NUP205: variants seen among roughly 807,000 people sequenced by gnomAD.
The protein encoded by NUP205 is nucleoporin 205.
Under a neutral mutation model 253.8 loss-of-function variants are expected in NUP205, and 76 were observed. The observed-to-expected ratio is 0.30, with a 90% CI of 0.25 to 0.36. NUP205 has a LOEUF of 0.36. NUP205 is among the 10% of genes least tolerant of loss of function. The pLI is 1.00. For synonymous variants in NUP205, 832 were observed against 850.1 expected, an observed-to-expected ratio of 0.98 and a Z score of 0.37; for missense variants, 2,162 against 2,425.5, an observed-to-expected ratio of 0.89 and a Z score of 2.28.
At chr7:135,636,185 G>T (rs1302406691) in intron 36 of NUP205, among the ~76,000 whole-genome samples, 2 of 151,948 alleles carry the variant, frequency 1.3e-5, no homozygotes, top group Non-Finnish European at 2.9e-5. Context: ...AGTCTTTCTG[G>T]GAGCCTCTTG....
In NUP205 at chr7:135,619,519, C is replaced by G; in HGVS notation, c.4060C>G (p.Gln1354Glu). The change falls in exon 29 of 43, where the codon CAG becomes GAG. Residue 1354 changes from glutamine (Q) to glutamate (E), a missense_variant. Around this residue, in one of 5 missense-constraint regions of NUP205, gnomAD observed 1,144 missense variants for 1,280.9 expected, o/e 0.89. Coordinates refer to ENST00000285968, the MANE Select transcript of NUP205 (RefSeq NM_015135.3). ...AHLSQAVLTE[Q>E]KETSVLGPAE... ...CCTAAGCCAGGCCGTCCTCACTGAA[C>G]AGAAGGAAACATCAGTCTTGGGACC... 1 of 1,614,112 alleles carries G rather than the reference C, an allele frequency of 6.2e-7. No homozygotes were observed. Among genetic ancestry groups the G allele is most frequent in the South Asian group, 1.1e-5 (1 of 91,078 alleles).
intron 7 of NUP205, among the ~76,000 whole-genome samples, chr7:135,580,586 C>T (rs1350388624): frequency 1.3e-5 from 2 of 152,024 alleles, no homozygotes; most frequent in East Asian, 1.9e-4. Context: ...CCTCAGCCTC[C>T]GGAGTACCTG....
rs765939474 is a variant in NUP205 at position 135,585,009 on chromosome 7, TA to T, written c.1218+4del. ...TTCCTTGCACTTATGCCAATGAAGGTAAGTGTAATAATGTAGGATGAGTAAA... is the reference window on the plus strand; with the variant it reads ...TTCCTTGCACTTATGCCAATGAAGGTAGTGTAATAATGTAGGATGAGTAAA... On this transcript the variant is annotated splice_donor_region_variant and intron_variant, in intron 8 of 42. Coordinates refer to ENST00000285968, the MANE Select transcript of NUP205 (RefSeq NM_015135.3). 138 of 1,598,296 alleles carry T rather than the reference TA, an allele frequency of 8.6e-5. No individual in the cohort carries two copies. Among genetic ancestry groups the T allele is most frequent in the Non-Finnish European group, 1.1e-4 (129 of 1,167,462 alleles).
intron 3 of NUP205, among the ~76,000 whole-genome samples, chr7:135,574,596 A>G (rs1188108971): frequency 2.0e-5 from 3 of 152,196 alleles, no homozygotes; most frequent in Non-Finnish European, 4.4e-5. Context: ...AGCATCATAA[A>G]TGAGAGGGAG....
intron 13 of NUP205, among the ~76,000 whole-genome samples, chr7:135,595,852 T>A (rs1251312885): frequency 3.9e-5 from 6 of 152,130 alleles, no homozygotes; most frequent in African/African-American, 1.2e-4. Flanking sequence ...GGAAAATGGT[T>A]AGGTGGGATA....
chr7:135,622,511 C>T (rs953954216), intron 30 of NUP205, among the ~76,000 whole-genome samples: 27 of 151,692 alleles, frequency 1.8e-4, no homozygotes, highest in African/African-American at 6.3e-4. Context: ...TCATTTTGAT[C>T]TCTTTCAGAA....
intron 18 of NUP205, among the ~76,000 whole-genome samples, chr7:135,604,010 G>A (rs1386548989): frequency 6.6e-6 from 1 of 152,136 alleles, no homozygotes; most frequent in Non-Finnish European, 1.5e-5. Flanking sequence ...GTGTGTTTGT[G>A]TCTGAATTTA....
chr7:135,576,483 T>C, intron 4 of NUP205, 69 bp downstream of exon 4: 4 of 1,364,926 alleles, frequency 2.9e-6, no homozygotes, highest in Non-Finnish European at 3.1e-6. Flanking sequence ...ATTTCCCTTA[T>C]TATATACAAT....
intron 35 of NUP205, among the ~76,000 whole-genome samples, chr7:135,631,756 C>CT (rs58118999): frequency 0.47 from 65,931 of 141,146 alleles, 15,891 homozygotes; most frequent in Middle Eastern, 0.66. Context: ...TTCTTTCTTT[C>CT]TTTTTTTTTT....
At chr7:135,631,881 C>T (rs903773824) in intron 35 of NUP205, among the ~76,000 whole-genome samples, 8 of 152,056 alleles carry the variant, frequency 5.3e-5, no homozygotes, top group African/African-American at 1.9e-4. Context: ...TCCCGAGCAG[C>T]TGGGACTACA....
intron 39 of NUP205, among the ~76,000 whole-genome samples, chr7:135,643,876 C>T (rs1794960454): frequency 6.6e-6 from 1 of 152,206 alleles, no homozygotes. Context: ...CCATTTGGCA[C>T]AGCTGAATGT....
At position 135,589,535 on chromosome 7, in the gene NUP205, G is replaced by A. The variant is rs758770628; in HGVS notation, c.1473+1543G>A. On this transcript the variant is annotated intron_variant, in intron 10 of 42. Transcript: ENST00000285968. ...ACTCCCGACCTCAGGTGATCCACTC[G>A]CCTCAGCCTCCCAAAGTGCTGGGAT... Among the ~76,000 whole-genome samples, 18 of 151,322 alleles carry A rather than the reference G, an allele frequency of 1.2e-4. 1 individual carries two copies. In the East Asian group the frequency reaches 1.9e-3, roughly 16 times the overall value.
intron 10 of NUP205, among the ~76,000 whole-genome samples, chr7:135,588,549 T>C (rs1403482169): frequency 2.7e-5 from 4 of 150,826 alleles, no homozygotes; most frequent in African/African-American, 4.9e-5. Flanking sequence ...TGTGTTGAAT[T>C]ATTAGAGGCA....
In NUP205 at chr7:135,578,814, T is replaced by G; in HGVS notation, c.941T>G (p.Leu314Arg). ...TACATTGCAACAATTCACTCTCGTC[T>G]TCAGGACTCACAGCTTTGGAAACTG... ...KQYIATIHSR[L>R]QDSQLWKLPG... The change falls in exon 7 of 43, where the codon CTT (leucine) becomes CGT (arginine). Residue 314 changes from leucine (L) to arginine (R), a missense_variant. This residue lies in a region of NUP205 where 892 missense variants were observed against 957.1 expected (regional missense o/e 0.93). Coordinates refer to ENST00000285968, the MANE Select transcript of NUP205 (RefSeq NM_015135.3). The G allele has an allele frequency of 6.2e-7, 1 of 1,612,332 alleles. No homozygotes were observed. The highest frequency in any genetic ancestry group is 8.5e-7 in the Non-Finnish European group (1 of 1,179,412).
chr7:135,632,662 C>A (rs974758031), intron 35 of NUP205, among the ~76,000 whole-genome samples: 1 of 152,090 alleles, frequency 6.6e-6, no homozygotes, highest in Non-Finnish European at 1.5e-5. Flanking sequence ...CTATTCCACC[C>A]AGCCTGTGGT....
At chr7:135,599,697 A>T (rs910161286) in intron 15 of NUP205, among the ~76,000 whole-genome samples, 9 of 152,198 alleles carry the variant, frequency 5.9e-5, no homozygotes, top group African/African-American at 2.2e-4. Flanking sequence ...GCAGAGCCAC[A>T]CTTCAAGTGT....
chr7:135,640,471 A>G (rs1490367278), intron 38 of NUP205, among the ~76,000 whole-genome samples: 1 of 152,204 alleles, frequency 6.6e-6, no homozygotes. Flanking sequence ...CCTGTTCCTT[A>G]AAGATTTCTT....
chr7:135,585,701 G>GC, intron 8 of NUP205, among the ~76,000 whole-genome samples: 1 of 152,084 alleles, frequency 6.6e-6, no homozygotes, highest in South Asian at 2.1e-4. Flanking sequence ...ACAGGCGCCC[G>GC]CCACCACACC....
rs187700307 is a variant in NUP205, at chr7:135,607,485, A to G, written c.3195+114A>G. The G allele has an allele frequency of 5.1e-5, 60 of 1,168,392 alleles. 1 individual carries two copies. The highest frequency in any genetic ancestry group is 3.1e-4 in the Middle Eastern group (1 of 3,256). The allele number at this position is 1,168,392 out of a possible 1,614,324, so 72.4% of individuals were successfully genotyped here. A position where few individuals can be genotyped will look rare whatever the true frequency, so the allele number is the denominator to read the frequency against. ...GGACTTAGTTGAAATGAGTTCATTTAGCAATTTGACCTGTCTTTCATTTGT... is the reference window on the plus strand; with the variant it reads ...GGACTTAGTTGAAATGAGTTCATTTGGCAATTTGACCTGTCTTTCATTTGT... On this transcript the variant is annotated intron_variant, in intron 22 of 42. Coordinates refer to ENST00000285968, the MANE Select transcript of NUP205 (RefSeq NM_015135.3).
Sources: allele counts gnomAD v4.1 joint callset (sites outside exome capture counted in the v4.1 genomes callset), GRCh38; gene constraint gnomAD v4.1.1; regional missense constraint gnomAD v4.1.1; transcripts MANE v1.5; gene names NCBI Gene and HGNC (gene_info 2026-07-23, HGNC 2026-07-21).